Variants in TMEM71 observed in about 807,000 individuals in gnomAD.
The protein encoded by TMEM71 is transmembrane protein 71.
A neutral mutation model predicts 38.0 loss-of-function variants in TMEM71; 44 were observed. That is an observed-to-expected ratio of 1.16 (90% confidence interval 0.91 to 1.49). TMEM71 has a LOEUF of 1.49. Ranked by LOEUF, TMEM71 falls within the 40% of genes most tolerant of loss-of-function variation. The pLI is 0.00. For synonymous variants in TMEM71, 133 were observed against 122.5 expected (o/e 1.09, Z -0.56); for missense variants, 367 against 348.6 (o/e 1.05, Z -0.42).
At chr8:132,746,350 C>T (rs1828344219) in intron 5 of TMEM71, among the ~76,000 whole-genome samples, 2 of 74,508 alleles carry the variant, frequency 2.7e-5, no homozygotes, top group Admixed American at 3.5e-4. Flanking sequence ...TATACATACA[C>T]ACAAATATAC....
the TMEM71 span, among the ~76,000 whole-genome samples, chr8:132,773,614 A>G: frequency 5.3e-5 from 8 of 152,196 alleles, no homozygotes; most frequent in South Asian, 8.3e-4. Context: ...GAAAGATTTA[A>G]CTCCAGGCTG....
chr8:132,765,777 C>CTAG, the TMEM71 span, among the ~76,000 whole-genome samples: 1 of 150,122 alleles, frequency 6.7e-6, no homozygotes, highest in African/African-American at 2.5e-5. Context: ...ATTATTATTA[C>CTAG]TATTATTATT....
At position 132,733,236 on chromosome 8, in the gene TMEM71, T is replaced by C. The variant is rs376999182; in HGVS notation, c.488-5250A>G. Among the ~76,000 whole-genome samples the C allele has an allele frequency of 3.7e-4, 57 of 152,328 alleles. 1 individual carries two copies. The South Asian group carries it at 0.011, about 29-fold the overall frequency. On this transcript the variant is annotated intron_variant, in intron 5 of 9. Transcript: ENST00000677595. ...GCTCCGTGAGAAAAAGGTCACTTCA[T>C]CTGTCCCAGACACCAGCAATTAGTA...
chr8:132,754,646 G>A (rs1029096239), intron 3 of TMEM71, among the ~76,000 whole-genome samples: 1 of 152,102 alleles, frequency 6.6e-6, no homozygotes, highest in Non-Finnish European at 1.5e-5. Context: ...ATTGCCTAAG[G>A]GTGGTAAGCT....
At chr8:132,775,401 G>T in the TMEM71 span, 2 of 381,774 alleles carry the variant, frequency 5.2e-6, no homozygotes, top group East Asian at 3.9e-5. Flanking sequence ...GCTGGCCGGC[G>T]GCGGAGGCGG....
intron 5 of TMEM71, among the ~76,000 whole-genome samples, chr8:132,743,634 T>G (rs532432889): frequency 6.6e-6 from 1 of 152,176 alleles, no homozygotes; most frequent in South Asian, 2.1e-4. Flanking sequence ...CTGTATACCC[T>G]CTTTCTAATC....
At chr8:132,707,781 A>T (rs1826114548), downstream of TMEM71, among the ~76,000 whole-genome samples, 1 of 152,218 alleles carries the variant, frequency 6.6e-6, no homozygotes, top group Non-Finnish European at 1.5e-5. Flanking sequence ...CATTTGCCTT[A>T]TAATAATTTT....
chr8:132,755,105 G>A (rs548380641), intron 3 of TMEM71, among the ~76,000 whole-genome samples: 3 of 152,200 alleles, frequency 2.0e-5, no homozygotes, highest in East Asian at 1.9e-4. Flanking sequence ...GGTGCTGGAC[G>A]CTTACGAGGT....
At chr8:132,754,566 TA>T (rs1399874984) in intron 3 of TMEM71, among the ~76,000 whole-genome samples, 1 of 152,208 alleles carries the variant, frequency 6.6e-6, no homozygotes, top group African/African-American at 2.4e-5. Context: ...TCAACCAAAA[TA>T]AACCTCATAG....
chr8:132,749,313 G>A (rs1269649476), intron 4 of TMEM71, among the ~76,000 whole-genome samples: 1 of 152,060 alleles, frequency 6.6e-6, no homozygotes, highest in African/African-American at 2.4e-5. Context: ...AAAGACAAGA[G>A]GAACAATTCA....
chr8:132,775,404 G>C, the TMEM71 span: 2 of 382,622 alleles, frequency 5.2e-6, no homozygotes, highest in East Asian at 3.9e-5. Context: ...GGCCGGCGGC[G>C]GAGGCGGCGG....
chr8:132,747,448 A>T (rs187073507), intron 4 of TMEM71, among the ~76,000 whole-genome samples: 1 of 152,328 alleles, frequency 6.6e-6, no homozygotes, highest in African/African-American at 2.4e-5. Flanking sequence ...TTATCTTCAG[A>T]ACAACTGTAT....
At chr8:132,726,896 A>AAT (rs951917522) in intron 6 of TMEM71, among the ~76,000 whole-genome samples, 1 of 149,508 alleles carries the variant, frequency 6.7e-6, no homozygotes, top group African/African-American at 2.5e-5. Context: ...CCCAGGCTGG[A>AAT]ATGCAGTGGT....
intron 7 of TMEM71, among the ~76,000 whole-genome samples, chr8:132,715,452 A>T (rs977776330): frequency 1.3e-5 from 2 of 150,816 alleles, no homozygotes; most frequent in African/African-American, 4.9e-5. Context: ...AAAGTGTGCA[A>T]ACAGTTGGAA....
At position 132,746,937 on chromosome 8, in the gene TMEM71, C is replaced by T. The variant is rs1380435024; in HGVS notation, c.487+5G>A. The T allele has an allele frequency of 3.8e-6, 6 of 1,579,154 alleles. No individual in the cohort carries two copies. Among genetic ancestry groups the T allele is most frequent in the African/African-American group, 1.4e-5 (1 of 73,240 alleles). On this transcript the variant is annotated splice_donor_5th_base_variant and intron_variant, in intron 5 of 9. Transcript: ENST00000677595. ...TTTACTATGGAAAGGAGGACTCAAA[C>T]TCACCATTTCCATTGCAATGGTCTG... is the stretch of plus-strand genomic sequence containing the variant.
At chr8:132,713,079 A>C (rs1010030885) in intron 9 of TMEM71, among the ~76,000 whole-genome samples, 1 of 151,834 alleles carries the variant, frequency 6.6e-6, no homozygotes, top group African/African-American at 2.4e-5. Flanking sequence ...TCCTGGACTC[A>C]AGGAAGTCTC....
Position 132,746,409 on chromosome 8 carries a change from A to G in TMEM71, c.487+533T>C, listed in dbSNP as rs112550241. 3.0e-4 allele frequency among the ~76,000 whole-genome samples: 5 copies of G among 16,792 alleles called. No individual in the cohort carries two copies. The South Asian group carries it at 0.012, about 41-fold the overall frequency. The allele number at this position is 16,792 out of a possible 152,430, so 11.0% of individuals were successfully genotyped here. ...TATACATATATATATACATATATATATACACACACATATATATACATATAT... is the reference window on the plus strand; with the variant it reads ...TATACATATATATATACATATATATGTACACACACATATATATACATATAT... On this transcript the variant is annotated intron_variant, in intron 5 of 9. Transcript: ENST00000677595.
In TMEM71 at chr8:132,751,805, C is replaced by T. The variant is rs1302513382; in HGVS notation, c.294G>A (p.Met98Ile). 6 of 1,613,528 alleles carry T rather than the reference C, an allele frequency of 3.7e-6. No homozygotes were observed. Among genetic ancestry groups the T allele is most frequent in the Non-Finnish European group, 5.1e-6 (6 of 1,180,042 alleles). The change falls in exon 4 of 10, where the codon ATG (methionine) becomes ATA (isoleucine). Residue 98 changes from methionine to isoleucine, a missense_variant. Coordinates refer to ENST00000677595, the MANE Select transcript of TMEM71 (RefSeq NM_001382403.1). Reference protein sequence around the residue: ...ITLNPSQTSVMYKENLVRIFR... With the variant: ...ITLNPSQTSVIYKENLVRIFR... The stretch of plus-strand genomic sequence containing the variant: ...CTTACCTAACTAAGTTCTCCTTATA[C>T]ATAACGCTGGTCTGGGATGGGTTCA...
At chr8:132,746,857 G>A in intron 5 of TMEM71, 85 bp downstream of exon 5, 1 of 1,122,788 alleles carries the variant, frequency 8.9e-7, no homozygotes, top group Non-Finnish European at 1.2e-6. Flanking sequence ...GTCATCCCTG[G>A]AACTGACATT....
Sources: allele counts gnomAD v4.1 joint callset (sites outside exome capture counted in the v4.1 genomes callset), GRCh38; gene constraint gnomAD v4.1.1; transcripts MANE v1.5; gene names NCBI Gene and HGNC (gene_info 2026-07-23, HGNC 2026-07-21).